PTPRN2: variants seen among roughly 807,000 people sequenced by gnomAD.
PTPRN2 encodes protein tyrosine phosphatase receptor type N2.
PTPRN2 carries 74 observed loss-of-function variants against 118.8 expected under a neutral mutation model. The ratio of observed to expected loss-of-function variants is 0.62; its 90% CI spans 0.52 to 0.76. The LOEUF is 0.76. Ranked by LOEUF, PTPRN2 falls within the 30% of genes least tolerant of loss-of-function variation. The probability of loss-of-function intolerance (pLI) is 0.00; values close to 1 mark genes in which losing one functional copy is unlikely to be tolerated. For missense variants in PTPRN2, 1,481 were observed against 1,394.4 expected, an observed-to-expected ratio of 1.06 and a Z score of -0.99; for synonymous variants, 641 against 608.0, an observed-to-expected ratio of 1.05 and a Z score of -0.80.
intron 12 of PTPRN2, chr7:157,864,018 A>G (rs1200157547): frequency 6.6e-6 from 1 of 152,238 alleles, no homozygotes; most frequent in Non-Finnish European, 1.5e-5. Flanking sequence ...TGCATGTGTG[A>G]TTCTGGCCAG....
rs1563067132 is a variant in PTPRN2 at position 158,270,778 on chromosome 7, G to GGGCCGCCCC, written c.277+46040_277+46041insGGGGCGGCC. On this transcript the variant is annotated intron_variant, in intron 3 of 22. Coordinates refer to ENST00000389418, the MANE Select transcript of PTPRN2 (RefSeq NM_002847.5). Reference sequence around the variant, plus strand: ...TCCACCTGGACCACCCCGTCCACCTGGACCACCCCTCCACCTGGACCACCC... The same window carrying GGGCCGCCCC: ...TCCACCTGGACCACCCCGTCCACCTGGGCCGCCCCGACCACCCCTCCACCTGGACCACCC... 1.8e-4 allele frequency among the ~76,000 whole-genome samples: 21 copies of GGGCCGCCCC among 119,120 alleles called. 3 individuals carry two copies. Among genetic ancestry groups the GGGCCGCCCC allele is most frequent in the Admixed American group, 3.1e-4 (4 of 12,910 alleles). The allele number at this position is 119,120 out of a possible 152,430, so 78.1% of individuals were successfully genotyped here. A position where few individuals can be genotyped will look rare whatever the true frequency, so the allele number is the denominator to read the frequency against.
chr7:158,053,486 C>A (rs781021639), intron 11 of PTPRN2, among the ~76,000 whole-genome samples: 11 of 152,138 alleles, frequency 7.2e-5, no homozygotes, highest in Admixed American at 5.9e-4. Context: ...GAATTCAGAA[C>A]CAGCTTTAGC....
chr7:158,435,039 G>A (rs1346184576), intron 2 of PTPRN2, among the ~76,000 whole-genome samples: 2 of 152,100 alleles, frequency 1.3e-5, no homozygotes, highest in Non-Finnish European at 2.9e-5. Flanking sequence ...CATGACATTG[G>A]TCTTAGCAAT....
rs565215319 is a variant in PTPRN2, at chr7:158,095,776, C to G, written c.1644-14399G>C. On this transcript the variant is annotated intron_variant, in intron 10 of 22. Coordinates refer to ENST00000389418, the MANE Select transcript of PTPRN2 (RefSeq NM_002847.5). Reference sequence around the variant, plus strand: ...CTGGTTTTGCAGAGACGAGGTCTTGCTATGTTGCCCTGGCTGGTCTCAAAA... The same window carrying G: ...CTGGTTTTGCAGAGACGAGGTCTTGGTATGTTGCCCTGGCTGGTCTCAAAA... 5.3e-5 allele frequency among the ~76,000 whole-genome samples: 8 copies of G among 152,322 alleles called. No individual in the cohort carries two copies. The East Asian group carries it at 7.7e-4, about 15-fold the overall frequency.
intron 1 of PTPRN2, 32 bp downstream of exon 1, chr7:158,587,526 G>T: frequency 8.2e-7 from 1 of 1,212,374 alleles, no homozygotes; most frequent in Middle Eastern, 3.2e-4. Context: ...CTAATTCATT[G>T]AGGCGCCCCT....
chr7:157,778,828 A>G (rs986552872), intron 12 of PTPRN2, among the ~76,000 whole-genome samples: 1 of 152,024 alleles, frequency 6.6e-6, no homozygotes, highest in Non-Finnish European at 1.5e-5. Flanking sequence ...GAATGCCCAC[A>G]TAAACATGTC....
At chr7:158,072,712 G>A (rs1474527238) in intron 11 of PTPRN2, among the ~76,000 whole-genome samples, 1 of 152,166 alleles carries the variant, frequency 6.6e-6, no homozygotes, top group Non-Finnish European at 1.5e-5. Flanking sequence ...GATCAACTGT[G>A]CACTCACAGG....
At chr7:158,159,708 A>C (rs1051415511) in intron 6 of PTPRN2, among the ~76,000 whole-genome samples, 1 of 152,220 alleles carries the variant, frequency 6.6e-6, no homozygotes, top group African/African-American at 2.4e-5. Context: ...CATCTCCTAA[A>C]GTGATTTCCA....
intron 3 of PTPRN2, among the ~76,000 whole-genome samples, chr7:158,257,201 GT>G (rs1554427324): frequency 1.3e-5 from 2 of 152,156 alleles, no homozygotes; most frequent in Non-Finnish European, 2.9e-5. Flanking sequence ...CTGGACCAGC[GT>G]GTGGAGAGAC....
intron 12 of PTPRN2, among the ~76,000 whole-genome samples, chr7:157,749,567 G>GA (rs1801310350): frequency 2.9e-5 from 4 of 137,338 alleles, no homozygotes; most frequent in South Asian, 2.5e-4. Flanking sequence ...CGGGGTGTCT[G>GA]GGTGATTCTG....
intron 1 of PTPRN2, among the ~76,000 whole-genome samples, chr7:158,557,174 CG>C (rs1827087015): frequency 7.8e-6 from 1 of 127,490 alleles, no homozygotes; most frequent in African/African-American, 3.2e-5. Flanking sequence ...GCAGGTCAGG[CG>C]GCTCCCGCGC....
At chr7:157,966,994 T>G (rs1801990356) in intron 11 of PTPRN2, among the ~76,000 whole-genome samples, 1 of 152,338 alleles carries the variant, frequency 6.6e-6, no homozygotes, top group African/African-American at 2.4e-5. Context: ...GCTGCTGTTG[T>G]AACAAATCAC....
intron 10 of PTPRN2, among the ~76,000 whole-genome samples, chr7:158,098,431 C>T (rs1031908776): frequency 6.6e-5 from 10 of 152,192 alleles, no homozygotes; most frequent in African/African-American, 2.4e-4. Flanking sequence ...GGGAGATGCC[C>T]GAGGGTGACG....
intron 12 of PTPRN2, among the ~76,000 whole-genome samples, chr7:157,793,874 C>T (rs1276213492): frequency 2.0e-5 from 3 of 152,170 alleles, no homozygotes; most frequent in Non-Finnish European, 4.4e-5. Context: ...TTGCCTCCTC[C>T]GCCTTGCAGG....
Position 157,868,241 on chromosome 7 carries a change from G to C in PTPRN2, c.1788+30432C>G, listed in dbSNP as rs189803100. Among the ~76,000 whole-genome samples the C allele has an allele frequency of 1.2e-3, 182 of 152,318 alleles. 5 individuals carry two copies. In the South Asian group the frequency reaches 0.012, roughly 10 times the overall value. ...ACCTACAACTGCTTCCCATCGAGGT[G>C]GTGGGCTGGGACTCGGCAAGCCCAT... On this transcript the variant is annotated intron_variant, in intron 12 of 22. Transcript: ENST00000389418. The surrounding 1 kb of genome is among the most constrained non-coding windows in gnomAD (Gnocchi z 5.2).
chr7:158,214,009 G>A (rs1226828268), intron 3 of PTPRN2, among the ~76,000 whole-genome samples: 1 of 151,978 alleles, frequency 6.6e-6, no homozygotes, highest in Admixed American at 6.5e-5. Flanking sequence ...TCTGTACTGG[G>A]CAGTCTGAGA....
Position 158,102,289 on chromosome 7 carries a change from G to A in PTPRN2, c.1643+8540C>T, listed in dbSNP as rs75170532. On this transcript the variant is annotated intron_variant, in intron 10 of 22. Coordinates refer to ENST00000389418, the MANE Select transcript of PTPRN2 (RefSeq NM_002847.5). ...AAGGGCTTTGCCAGAGGAAAATATG[G>A]TAAACTCAATGCACGCATCCCGAGC... Among the ~76,000 whole-genome samples the A allele has an allele frequency of 2.4e-4, 36 of 152,272 alleles. No individual in the cohort carries two copies. The East Asian group carries it at 4.8e-3, about 20-fold the overall frequency.
intron 3 of PTPRN2, among the ~76,000 whole-genome samples, chr7:158,251,586 G>T (rs921877369): frequency 1.3e-5 from 2 of 149,520 alleles, no homozygotes; most frequent in African/African-American, 2.5e-5. Context: ...GTGTGCAATG[G>T]ATGTCTATGG....
intron 3 of PTPRN2, among the ~76,000 whole-genome samples, chr7:158,219,221 T>C (rs1355758079): frequency 6.6e-6 from 1 of 152,092 alleles, no homozygotes; most frequent in Non-Finnish European, 1.5e-5. Flanking sequence ...AACCACTCTC[T>C]TGGCCCACAT....
Sources: allele counts gnomAD v4.1 joint callset (sites outside exome capture counted in the v4.1 genomes callset), GRCh38; gene constraint gnomAD v4.1.1; non-coding constraint Gnocchi (gnomAD v3.1); transcripts MANE v1.5; gene names NCBI Gene and HGNC (gene_info 2026-07-23, HGNC 2026-07-21).